VWA8: variants seen among roughly 807,000 people sequenced by gnomAD.
VWA8 encodes von Willebrand factor A domain containing 8, also known as von Willebrand factor A domain-containing protein 8.
VWA8 carries 221 observed loss-of-function variants against 241.5 expected under a neutral mutation model. That is an observed-to-expected ratio of 0.91 (90% CI 0.82 to 1.02). VWA8 has a LOEUF of 1.02. VWA8 is among the 50% of genes least tolerant of loss of function. The pLI, the probability that VWA8 is intolerant of heterozygous loss-of-function variation, is 0.00. For synonymous variants in VWA8, 852 were observed against 827.1 expected (o/e 1.03, Z -0.52); for missense variants, 2,322 against 2,328.7 (o/e 1.00, Z 0.06).
chr13:41,929,291 G>A (rs1566042937), intron 2 of VWA8, among the ~76,000 whole-genome samples: 2 of 151,716 alleles, frequency 1.3e-5, no homozygotes, highest in Non-Finnish European at 2.9e-5. Flanking sequence ...AAGTAGCTGG[G>A]GCTACAGGTG....
At chr13:41,920,861 G>A (rs189197418) in intron 2 of VWA8, among the ~76,000 whole-genome samples, 1 of 152,180 alleles carries the variant, frequency 6.6e-6, no homozygotes, top group African/African-American at 2.4e-5. Context: ...GAAGTACAAA[G>A]AGGAGTTGAT....
chr13:41,693,034 CAGCAACCTCTT>C (rs1593700905), intron 29 of VWA8, 62 bp from the exon 30 acceptor site: 1 of 1,078,500 alleles, frequency 9.3e-7, no homozygotes, highest in East Asian at 2.8e-5. Context: ...TTTTTTAAAG[CAGCAACCTCTT>C]GGCAACCTGA....
intron 12 of VWA8, among the ~76,000 whole-genome samples, chr13:41,847,674 G>C (rs1266250094): frequency 2.0e-5 from 3 of 152,182 alleles, no homozygotes; most frequent in Non-Finnish European, 4.4e-5. Flanking sequence ...GACACTGGAA[G>C]TTTTTCAAAG....
At chr13:41,811,079 C>A in intron 17 of VWA8, 146 bp downstream of exon 17, 1 of 608,250 alleles carries the variant, frequency 1.6e-6, no homozygotes, top group Non-Finnish European at 2.8e-6. Context: ...TAAATAAGTT[C>A]TAATCAGTGA....
chr13:41,614,184 T>G (rs148378330), intron 38 of VWA8, among the ~76,000 whole-genome samples: 32 of 152,368 alleles, frequency 2.1e-4, no homozygotes, highest in African/African-American at 6.5e-4. Flanking sequence ...GCCTATTTGA[T>G]AGCACATTGT....
chr13:41,876,163 C>A (rs1873889177), intron 9 of VWA8, among the ~76,000 whole-genome samples: 1 of 152,134 alleles, frequency 6.6e-6, no homozygotes, highest in African/African-American at 2.4e-5. Context: ...AGTCTACCAA[C>A]TATTTTTTCC....
At position 41,741,992 on chromosome 13, in the gene VWA8, T is replaced by A. The variant is rs144175518; in HGVS notation, c.2427-9837A>T. Among the ~76,000 whole-genome samples the A allele has an allele frequency of 5.3e-5, 8 of 152,316 alleles. No homozygotes were observed. The East Asian group carries it at 1.5e-3, about 29-fold the overall frequency. The stretch of plus-strand genomic sequence containing the variant: ...CTGGCAGGAATGAGTAGAAAGTATG[T>A]CTAGGCAGAGGAATAAGCACATAGA... On this transcript the variant is annotated intron_variant, in intron 21 of 44. Transcript: ENST00000379310.
At chr13:41,824,930 A>T (rs969119311) in intron 14 of VWA8, among the ~76,000 whole-genome samples, 5 of 152,076 alleles carry the variant, frequency 3.3e-5, no homozygotes, top group Admixed American at 6.5e-5. Context: ...TATATCAATG[A>T]CAGATAAGGA....
chr13:41,908,874 T>C (rs1280986649), intron 3 of VWA8, among the ~76,000 whole-genome samples: 1 of 152,182 alleles, frequency 6.6e-6, no homozygotes, highest in Non-Finnish European at 1.5e-5. Flanking sequence ...TTAAGTATAA[T>C]GGAAAATGGG....
intron 37 of VWA8, among the ~76,000 whole-genome samples, chr13:41,627,591 G>A (rs1356594217): frequency 2.0e-5 from 3 of 152,094 alleles, no homozygotes; most frequent in Non-Finnish European, 2.9e-5. Flanking sequence ...ACAAAACTTC[G>A]GGAGCTTGAA....
intron 26 of VWA8, among the ~76,000 whole-genome samples, chr13:41,707,879 TA>T (rs561498735): frequency 7.6e-4 from 116 of 152,332 alleles, no homozygotes; most frequent in African/African-American, 2.6e-3. Context: ...CACTCCCCTA[TA>T]TTCCTTTCTG....
chr13:41,815,426 T>C (rs938235990), intron 16 of VWA8, among the ~76,000 whole-genome samples: 1 of 152,250 alleles, frequency 6.6e-6, no homozygotes, highest in African/African-American at 2.4e-5. Context: ...GTGGAGATTA[T>C]GTTGCACTAT....
intron 12 of VWA8, among the ~76,000 whole-genome samples, chr13:41,853,257 A>G (rs1468299025): frequency 6.6e-6 from 1 of 152,046 alleles, no homozygotes; most frequent in Non-Finnish European, 1.5e-5. Flanking sequence ...ATTGAGCATA[A>G]TGTTAGCTGT....
At chr13:41,813,090 A>T (rs1223433709) in intron 16 of VWA8, among the ~76,000 whole-genome samples, 1 of 152,152 alleles carries the variant, frequency 6.6e-6, no homozygotes, top group Non-Finnish European at 1.5e-5. Flanking sequence ...CTCTCAAACA[A>T]CAAAGACCTA....
chr13:41,689,603 G>T, intron 33 of VWA8, 95 bp from the exon 34 acceptor site: 1 of 1,221,640 alleles, frequency 8.2e-7, no homozygotes, highest in East Asian at 2.7e-5. Flanking sequence ...AAATGGAAAA[G>T]AACAAGTTAA....
At chr13:41,888,156 T>C (rs1318742984) in intron 5 of VWA8, among the ~76,000 whole-genome samples, 1 of 152,216 alleles carries the variant, frequency 6.6e-6, no homozygotes, top group African/African-American at 2.4e-5. Flanking sequence ...TGTAAATGTA[T>C]GTGCAAACAA....
intron 2 of VWA8, among the ~76,000 whole-genome samples, chr13:41,943,412 A>G (rs1877688687): frequency 6.6e-6 from 1 of 152,194 alleles, no homozygotes; most frequent in South Asian, 2.1e-4. Context: ...TCCTTTTAAA[A>G]CAAAGCAGAA....
intron 3 of VWA8, among the ~76,000 whole-genome samples, chr13:41,909,011 G>A (rs1046265871): frequency 6.6e-6 from 1 of 151,420 alleles, no homozygotes; most frequent in Non-Finnish European, 1.5e-5. Flanking sequence ...TAATGTGCCT[G>A]TCCCCATGTT....
At chr13:41,740,029 TG>T in intron 21 of VWA8, among the ~76,000 whole-genome samples, 1 of 151,742 alleles carries the variant, frequency 6.6e-6, no homozygotes, top group East Asian at 1.9e-4. Flanking sequence ...TAATTTTTTG[TG>T]TTTTTTAGTA....
Sources: gnomAD v4.1 joint callset for allele counts (sites outside exome capture counted in the v4.1 genomes callset) on GRCh38, gnomAD v4.1.1 for gene constraint, MANE v1.5 for transcripts, NCBI Gene and HGNC (gene_info 2026-07-23, HGNC 2026-07-21) for gene names.